The following PCBP3 variants were observed in gnomAD, a reference collection of about 807,000 sequenced individuals.
PCBP3 encodes poly(rC)-binding protein 3.
In PCBP3, 25 loss-of-function variants were observed where a neutral mutation model predicts 52.7. The ratio of observed to expected loss-of-function variants is 0.47; its 90% CI spans 0.35 to 0.66. The LOEUF is 0.66. Ranked by LOEUF, PCBP3 falls within the 30% of genes least tolerant of loss-of-function variation. PCBP3 has a pLI of 0.01. For missense variants in PCBP3, 391 were observed against 490.3 expected (o/e 0.80, Z 1.91); for synonymous variants, 162 against 183.0 (o/e 0.89, Z 0.93).
At chr21:45,673,771 C>T (rs996781251) in intron 2 of PCBP3, 1 of 152,120 alleles carries the variant, frequency 6.6e-6, no homozygotes, top group Non-Finnish European at 1.5e-5. Context: ...GTTCATCCTC[C>T]GAGGCCATGT....
chr21:45,840,395 C>T (rs60315100), intron 4 of PCBP3, among the ~76,000 whole-genome samples: 24,994 of 147,436 alleles, frequency 0.17, 2,292 homozygotes, highest in Middle Eastern at 0.3. Context: ...AGGCGGAGCT[C>T]GCAGTGAGCT....
chr21:45,676,234 C>A (rs892951750), intron 2 of PCBP3, among the ~76,000 whole-genome samples: 1 of 152,172 alleles, frequency 6.6e-6, no homozygotes, highest in Non-Finnish European at 1.5e-5. Context: ...AAGGAATTAA[C>A]TGCCTGTGTT....
chr21:45,754,243 A>G lies in PCBP3; in HGVS notation c.-161-1174A>G, dbSNP rs76497838. Among the ~76,000 whole-genome samples, 865 of 152,288 alleles carry G rather than the reference A, an allele frequency of 5.7e-3. 7 individuals are homozygous for G. The highest frequency in any genetic ancestry group is 0.019 in the African/African-American group (808 of 41,548). The stretch of plus-strand genomic sequence containing the variant: ...CTTTGTTCAACCTGTATATAATATT[A>G]TAATGAAAATAGTTATGATAAGAAT... On this transcript the variant is annotated intron_variant, in intron 3 of 17. Coordinates refer to ENST00000681687, the MANE Select transcript of PCBP3 (RefSeq NM_001384156.1).
intron 5 of PCBP3, among the ~76,000 whole-genome samples, chr21:45,858,060 C>T (rs1339363579): frequency 2.0e-5 from 3 of 152,238 alleles, no homozygotes; most frequent in African/African-American, 7.2e-5. Flanking sequence ...GGGCCATGCC[C>T]CAGGGAGCCT....
chr21:45,665,269 A>G (rs993172518), intron 1 of PCBP3, among the ~76,000 whole-genome samples: 1 of 152,062 alleles, frequency 6.6e-6, no homozygotes, highest in African/African-American at 2.4e-5. Flanking sequence ...TTAGACAGGC[A>G]TGGTGGTACA....
At chr21:45,890,105 A>G (rs2095616611) in intron 5 of PCBP3, among the ~76,000 whole-genome samples, 1 of 152,238 alleles carries the variant, frequency 6.6e-6, no homozygotes, top group Admixed American at 6.5e-5. Context: ...GCAGCTGTCT[A>G]AGGGGCAGTT....
chr21:45,898,285 G>C (rs1004663289), intron 6 of PCBP3, among the ~76,000 whole-genome samples: 4 of 150,428 alleles, frequency 2.7e-5, no homozygotes, highest in Non-Finnish European at 5.9e-5. Context: ...CCCTCCACGG[G>C]CCCCTCTGCA....
chr21:45,652,163 A>G (rs1218362558), intron 1 of PCBP3, among the ~76,000 whole-genome samples: 1 of 152,230 alleles, frequency 6.6e-6, no homozygotes, highest in Non-Finnish European at 1.5e-5. Flanking sequence ...TTATTCAGAC[A>G]GAATGGCTGT....
At position 45,940,151 on chromosome 21, in the gene PCBP3, C is replaced by T. The variant is rs772692762; in HGVS notation, c.1031C>T (p.Thr344Met). The change falls in exon 17 of 18, where the codon ACG (threonine) becomes ATG (methionine). Residue 344 changes from threonine to methionine, a missense_variant. Coordinates refer to ENST00000681687, the MANE Select transcript of PCBP3 (RefSeq NM_001384156.1). Reference sequence around the variant, plus strand: ...TCCTCAGAGCGTCAGATCACCATCACGGGGACCCCGGCCAACATCAGCCTT... The same window carrying T: ...TCCTCAGAGCGTCAGATCACCATCATGGGGACCCCGGCCAACATCAGCCTT... ...EGSSERQITITGTPANISLAQ... is the reference protein window; with the variant it reads ...EGSSERQITIMGTPANISLAQ... 73 of 1,613,976 alleles carry T rather than the reference C, an allele frequency of 4.5e-5. No individual in the cohort carries two copies. The highest frequency in any genetic ancestry group is 5.8e-5 in the Non-Finnish European group (69 of 1,179,962).
intron 4 of PCBP3, among the ~76,000 whole-genome samples, chr21:45,807,190 C>A (rs1368637195): frequency 1.3e-5 from 2 of 152,148 alleles, no homozygotes; most frequent in African/African-American, 4.8e-5. Flanking sequence ...CTAGCCAGGG[C>A]AATCAGGCAA....
chr21:45,899,678 G>C (rs1603480108), intron 7 of PCBP3, 56 bp downstream of exon 7: 2 of 1,378,358 alleles, frequency 1.5e-6, no homozygotes, highest in Admixed American at 3.4e-5. Context: ...GGATGGTGAG[G>C]ATGGCAGCCT....
intron 13 of PCBP3, among the ~76,000 whole-genome samples, chr21:45,923,428 A>G (rs2074752436): frequency 6.6e-6 from 1 of 152,116 alleles, no homozygotes; most frequent in Non-Finnish European, 1.5e-5. Context: ...GGCCCAGGCA[A>G]CCCTCACTGC....
intron 5 of PCBP3, among the ~76,000 whole-genome samples, chr21:45,875,051 C>A (rs1039087494): frequency 1.3e-5 from 2 of 152,260 alleles, no homozygotes; most frequent in African/African-American, 2.4e-5. Flanking sequence ...CAAAGCCAGT[C>A]ACTGAGCCCG....
At chr21:45,922,886 G>A (rs2074647119) in intron 13 of PCBP3, among the ~76,000 whole-genome samples, 1 of 152,252 alleles carries the variant, frequency 6.6e-6, no homozygotes, top group Non-Finnish European at 1.5e-5. Context: ...AGTGGCAGAT[G>A]TGCAGCAACG....
intron 6 of PCBP3, among the ~76,000 whole-genome samples, chr21:45,898,754 G>A (rs141226874): frequency 0.084 from 2,257 of 26,766 alleles, 797 homozygotes; most frequent in East Asian, 0.7. Context: ...CCGTCCTCAC[G>A]GCCTCCCTCT....
In PCBP3 at chr21:45,716,812, T is replaced by C. The variant is rs149001602; in HGVS notation, c.-199-18580T>C. Among the ~76,000 whole-genome samples, 398 of 152,272 alleles carry C rather than the reference T, an allele frequency of 2.6e-3. 4 individuals carry two copies. In the Middle Eastern group the frequency reaches 0.034, roughly 13 times the overall value. The stretch of plus-strand genomic sequence containing the variant: ...GGGAAATGTGAGTCTTCTGACTTTG[T>C]TTTTCTTTTTTAAGATTGTTTTGGC... On this transcript the variant is annotated intron_variant, in intron 2 of 17. Coordinates refer to ENST00000681687, the MANE Select transcript of PCBP3 (RefSeq NM_001384156.1).
At position 45,929,938 on chromosome 21, in the gene PCBP3, T is replaced by C. The variant is rs367804776; in HGVS notation, c.739T>C (p.Leu247=). Reference sequence around the variant, plus strand: ...CCAGCAGTTGACCAAGCTCCACCAGTTGGCCATGCAGCAAACCCCCTTTCC... The same window carrying C: ...CCAGCAGTTGACCAAGCTCCACCAGCTGGCCATGCAGCAAACCCCCTTTCC... ...HPDQLTKLHQ[L]AMQQTPFPPL... Residue 247 remains leucine (L), a synonymous_variant, in exon 14 of 18, where the codon TTG becomes CTG. Transcript: ENST00000681687. 1.9e-6 allele frequency: 3 copies of C among 1,613,768 alleles called. No individual in the cohort carries two copies. Among genetic ancestry groups the C allele is most frequent in the African/African-American group, 2.7e-5 (2 of 74,942 alleles).
chr21:45,689,501 G>A (rs981564993), intron 2 of PCBP3, among the ~76,000 whole-genome samples: 2 of 151,900 alleles, frequency 1.3e-5, no homozygotes, highest in Non-Finnish European at 2.9e-5. Flanking sequence ...ATGACTGAAC[G>A]TTTCCCCCTA....
intron 9 of PCBP3, among the ~76,000 whole-genome samples, chr21:45,906,616 G>C (rs909777621): frequency 6.6e-6 from 1 of 151,956 alleles, no homozygotes; most frequent in African/African-American, 2.4e-5. Flanking sequence ...ATTGTGTCAG[G>C]TGCAGCGTCA....
Sources: allele counts gnomAD v4.1 joint callset (sites outside exome capture counted in the v4.1 genomes callset), GRCh38; gene constraint gnomAD v4.1.1; transcripts MANE v1.5; gene names NCBI Gene and HGNC (gene_info 2026-07-23, HGNC 2026-07-21).